The following ATP6V0A4 variants were observed in gnomAD, a reference collection of about 807,000 sequenced individuals.
ATP6V0A4 encodes V-type proton ATPase 116 kDa subunit a 4.
A neutral mutation model predicts 107.3 loss-of-function variants in ATP6V0A4; 86 were observed. The observed-to-expected ratio is 0.80, with a 90% CI of 0.67 to 0.96. The LOEUF (loss-of-function observed/expected upper bound fraction) is 0.96. ATP6V0A4 is among the 40% of genes least tolerant of loss of function. The pLI, the probability that ATP6V0A4 is intolerant of heterozygous loss-of-function variation, is 0.00. For missense variants in ATP6V0A4, 908 were observed against 1,045.6 expected, an observed-to-expected ratio of 0.87 and a Z score of 1.81; for synonymous variants, 353 against 381.4, an observed-to-expected ratio of 0.93 and a Z score of 0.87.
In ATP6V0A4 at chr7:138,745,199, C is replaced by A; in HGVS notation, c.1402G>T (p.Asp468Tyr). 1 of 1,614,192 alleles carries A rather than the reference C, an allele frequency of 6.2e-7. No individual in the cohort carries two copies. Among genetic ancestry groups the A allele is most frequent in the Non-Finnish European group, 8.5e-7 (1 of 1,180,034 alleles). Residue 468 changes from aspartate (D) to tyrosine (Y), a missense_variant, in exon 14 of 22, where the codon GAC becomes TAC. Asp to Tyr is a radical substitution (Grantham distance 160, BLOSUM62 -3). Transcript: ENST00000310018. Reference sequence around the variant, plus strand: ...ATGTTCAAGGACTTGGAGAAGCAGTCATTGTAGATCAAACCCGTGTAGATG... The same window carrying A: ...ATGTTCAAGGACTTGGAGAAGCAGTAATTGTAGATCAAACCCGTGTAGATG... ...FSIYTGLIYN[D>Y]CFSKSLNIFG... is the part of the protein sequence containing the mutation.
intron 20 of ATP6V0A4, among the ~76,000 whole-genome samples, chr7:138,713,886 A>G (rs1019846944): frequency 6.6e-6 from 1 of 151,360 alleles, no homozygotes; most frequent in Non-Finnish European, 1.5e-5. Flanking sequence ...GGACTGTTTG[A>G]GCCCAGAAGT....
rs1204614876 is a variant in ATP6V0A4 at position 138,718,636 on chromosome 7, G to A, written c.2140-2755C>T. On this transcript the variant is annotated intron_variant, in intron 19 of 21. Coordinates refer to ENST00000310018, the MANE Select transcript of ATP6V0A4 (RefSeq NM_020632.3). ...GGGAGGAATGGGGAGGTGCCGCCACGGATGTCTGCGGAGGGAGACGTCCAG... is the reference window on the plus strand; with the variant it reads ...GGGAGGAATGGGGAGGTGCCGCCACAGATGTCTGCGGAGGGAGACGTCCAG... Among the ~76,000 whole-genome samples the A allele has an allele frequency of 4.0e-5, 5 of 125,400 alleles. 1 individual carries two copies. The highest frequency in any genetic ancestry group is 8.4e-5 in the Non-Finnish European group (5 of 59,806). The allele number at this position is 125,400 out of a possible 152,430, so 82.3% of individuals were successfully genotyped here.
chr7:138,798,102 A>G lies in ATP6V0A4; in HGVS notation c.-189T>C. On this transcript the variant is annotated 5_prime_UTR_variant, in exon 1 of 22. Coordinates refer to ENST00000310018, the MANE Select transcript of ATP6V0A4 (RefSeq NM_020632.3). ...GCACCGGGCACTCAGCACAGCCTCC[A>G]GCATGCAGCGCCTCCCCGCTGCCAC... 6 of 1,595,900 alleles carry G rather than the reference A, an allele frequency of 3.8e-6. No homozygotes were observed. Among genetic ancestry groups the G allele is most frequent in the Non-Finnish European group, 5.1e-6 (6 of 1,171,914 alleles).
intron 2 of ATP6V0A4, among the ~76,000 whole-genome samples, chr7:138,785,442 AT>A (rs1322019584): frequency 2.2e-4 from 33 of 151,776 alleles, no homozygotes; most frequent in Non-Finnish European, 4.1e-4. Flanking sequence ...CGCCCGGTTA[AT>A]TTTTTGTATT....
chr7:138,784,279 T>TATATATATATACAC (rs1375136956), intron 2 of ATP6V0A4, among the ~76,000 whole-genome samples: 1 of 35,742 alleles, frequency 2.8e-5, no homozygotes, highest in African/African-American at 9.4e-5. Context: ...TATATATATA[T>TATATATATATACAC]ACATATATAT....
At chr7:138,747,088 C>T (rs929905305) in intron 13 of ATP6V0A4, among the ~76,000 whole-genome samples, 2 of 151,992 alleles carry the variant, frequency 1.3e-5, no homozygotes, top group Non-Finnish European at 2.9e-5. Flanking sequence ...ATTTTTCTCT[C>T]GGTCATTAGA....
chr7:138,720,924 A>G (rs930221860), intron 19 of ATP6V0A4, among the ~76,000 whole-genome samples: 1 of 152,192 alleles, frequency 6.6e-6, no homozygotes, highest in Non-Finnish European at 1.5e-5. Flanking sequence ...GGTATGAGCC[A>G]CCACACATGG....
Position 138,768,893 on chromosome 7 carries a change from C to T in ATP6V0A4, c.197-19G>A. The T allele has an allele frequency of 6.2e-7, 1 of 1,613,778 alleles. No individual in the cohort carries two copies. The highest frequency in any genetic ancestry group is 8.5e-7 in the Non-Finnish European group (1 of 1,179,864). On this transcript the variant is annotated intron_variant, in intron 4 of 21. Transcript: ENST00000310018. ...AGAAAACCTGAAGAATGAAAACCCA[C>T]CAGAAACCCCAAGGTGATTGTGTTT...
At chr7:138,787,836 A>G (rs913900404) in intron 1 of ATP6V0A4, among the ~76,000 whole-genome samples, 4 of 152,006 alleles carry the variant, frequency 2.6e-5, no homozygotes, top group African/African-American at 9.7e-5. Flanking sequence ...CAACTCTACT[A>G]AAAATAAAAA....
intron 18 of ATP6V0A4, among the ~76,000 whole-genome samples, chr7:138,726,917 T>C (rs1804752169): frequency 6.6e-6 from 1 of 151,948 alleles, no homozygotes; most frequent in Non-Finnish European, 1.5e-5. Context: ...CACTTTGAGA[T>C]CAGCAACTAT....
intron 17 of ATP6V0A4, among the ~76,000 whole-genome samples, chr7:138,732,518 G>A (rs1805069361): frequency 6.6e-6 from 1 of 152,056 alleles, no homozygotes; most frequent in Admixed American, 6.6e-5. Context: ...GAGAGGCCAG[G>A]TGCGGTGGCT....
In ATP6V0A4 at chr7:138,739,521, C is replaced by T. The variant is rs1448596766; in HGVS notation, c.1572+19G>A. ...GATAGTTCACATAAGAAATATTTAA[C>T]CCAAGAAGACATTATTACCGGATCA... On this transcript the variant is annotated intron_variant, in intron 15 of 21. Transcript: ENST00000310018. 4.3e-6 allele frequency: 7 copies of T among 1,613,464 alleles called. No individual in the cohort carries two copies. The East Asian group carries it at 1.6e-4, about 36-fold the overall frequency.
chr7:138,743,714 G>A (rs952062894), intron 14 of ATP6V0A4, among the ~76,000 whole-genome samples: 3 of 152,148 alleles, frequency 2.0e-5, no homozygotes, highest in African/African-American at 7.2e-5. Flanking sequence ...TCAAAGGAAA[G>A]TTCCAGAATG....
At chr7:138,745,732 T>C (rs1276896789) in intron 13 of ATP6V0A4, among the ~76,000 whole-genome samples, 5 of 140,856 alleles carry the variant, frequency 3.5e-5, no homozygotes, top group Non-Finnish European at 7.5e-5. Context: ...CATGGGCAGA[T>C]CACCTGGGGT....
rs148521147 is a variant in ATP6V0A4, at chr7:138,771,239, A to G, written c.9T>C (p.Ser3=). The change falls in exon 3 of 22, where the codon TCT becomes TCC. Residue 3 remains serine, a synonymous_variant. Coordinates refer to ENST00000310018, the MANE Select transcript of ATP6V0A4 (RefSeq NM_020632.3). ...AACACATCTCCTCGCTTCGAAACAC[A>G]GACACCATCTTGGCCCAGCCTCGGT... MV[S]VFRSEEMCLS... is the part of the protein sequence containing the mutation. 175 of 1,613,510 alleles carry G rather than the reference A, an allele frequency of 1.1e-4. No homozygotes were observed. Among genetic ancestry groups the G allele is most frequent in the Non-Finnish European group, 1.4e-4 (169 of 1,179,544 alleles).
chr7:138,708,934 TG>T (rs1343044452), intron 21 of ATP6V0A4, among the ~76,000 whole-genome samples: 2 of 151,728 alleles, frequency 1.3e-5, no homozygotes, highest in Non-Finnish European at 2.9e-5. Flanking sequence ...ATTAGTCAGG[TG>T]TGACGGTGCA....
chr7:138,798,186 G>GGTA lies in ATP6V0A4; in HGVS notation c.-276_-274dup, dbSNP rs1482322024. 10 of 1,589,208 alleles carry GGTA rather than the reference G, an allele frequency of 6.3e-6. No homozygotes were observed. The highest frequency in any genetic ancestry group is 8.6e-6 in the Non-Finnish European group (10 of 1,168,464). ...CTCCCTCCACTCGGCTTGCTCGGCAGGTAGCGTTATGAGCTTTATTCATGG... is the reference window on the plus strand; with the variant it reads ...CTCCCTCCACTCGGCTTGCTCGGCAGGTAGTAGCGTTATGAGCTTTATTCATGG... On this transcript the variant is annotated 5_prime_UTR_variant, in exon 1 of 22. Transcript: ENST00000310018.
intron 6 of ATP6V0A4, 119 bp from the exon 7 acceptor site, chr7:138,762,553 A>C: frequency 5.9e-6 from 9 of 1,522,562 alleles, no homozygotes; most frequent in Non-Finnish European, 7.9e-6. Context: ...AAAAGTTAAC[A>C]GAAGTCAGAA....
intron 2 of ATP6V0A4, among the ~76,000 whole-genome samples, chr7:138,784,807 T>TGGGGCACACTGCCA (rs1428641914): frequency 6.6e-6 from 1 of 152,218 alleles, no homozygotes; most frequent in African/African-American, 2.4e-5. Flanking sequence ...TAGACAAGTC[T>TGGGGCACACTGCCA]GGGGCACACT....
Sources: gnomAD v4.1 joint callset for allele counts (sites outside exome capture counted in the v4.1 genomes callset) on GRCh38, gnomAD v4.1.1 for gene constraint, MANE v1.5 for transcripts, NCBI Gene and HGNC (gene_info 2026-07-23, HGNC 2026-07-21) for gene names.